COL5A1: variants seen among roughly 807,000 people sequenced by gnomAD.
COL5A1 encodes the protein collagen alpha-1(V) chain.
Under a neutral mutation model 263.7 loss-of-function variants are expected in COL5A1, and 16 were observed. The observed-to-expected ratio is 0.06, with a 90% confidence interval of 0.04 to 0.09. COL5A1 has a LOEUF of 0.09. Ranked by LOEUF, COL5A1 falls within the 10% of genes least tolerant of loss-of-function variation. The pLI is 1.00. For missense variants in COL5A1, 2,036 were observed against 2,540.5 expected, an observed-to-expected ratio of 0.80 and a Z score of 4.27; for synonymous variants, 1,012 against 1,004.5, an observed-to-expected ratio of 1.01 and a Z score of -0.14.
chr9:134,694,676 C>G (rs185046814), intron 2 of COL5A1, among the ~76,000 whole-genome samples: 1 of 152,174 alleles, frequency 6.6e-6, no homozygotes, highest in Non-Finnish European at 1.5e-5. Flanking sequence ...GGTTGCTGAC[C>G]GATCATGGGT....
At chr9:134,831,111 C>CT (rs1480296776) in intron 64 of COL5A1, among the ~76,000 whole-genome samples, 1 of 152,230 alleles carries the variant, frequency 6.6e-6, no homozygotes, top group African/African-American at 2.4e-5. Context: ...GGCTTGTAGC[C>CT]TGACCACTTG....
At position 134,806,198 on chromosome 9, in the gene COL5A1, G is replaced by T; in HGVS notation, c.3268G>T (p.Gly1090Trp). Reference sequence around the variant, plus strand: ...TCTTGCTCCACCTCAGGGATCTCCAGGGGAGAGAGGTCCAGCTGGAGCCGC... The same window carrying T: ...TCTTGCTCCACCTCAGGGATCTCCATGGGAGAGAGGTCCAGCTGGAGCCGC... ...PGPPGPAGSPGERGPAGAAGP... is the reference protein window; with the variant it reads ...PGPPGPAGSPWERGPAGAAGP... Residue 1090 changes from glycine to tryptophan, a missense_variant, in exon 42 of 66, where the codon GGG (glycine) becomes TGG (tryptophan). By Grantham distance (184) the Gly-to-Trp change is radical (BLOSUM62 -2). This residue lies in a region of COL5A1 where 1,078 missense variants were observed against 1,521.4 expected (regional missense o/e 0.71). Transcript: ENST00000371817. The T allele has an allele frequency of 6.4e-7, 1 of 1,550,636 alleles. No homozygotes were observed. Among genetic ancestry groups the T allele is most frequent in the Non-Finnish European group, 8.7e-7 (1 of 1,146,652 alleles).
chr9:134,821,997 G>T lies in COL5A1; in HGVS notation c.4555-100G>T. The stretch of plus-strand genomic sequence containing the variant: ...GGGCCAAAGGGCATACCGTGGGGAA[G>T]GGACAGGGGAGCCGAGGGGTGTGGC... On this transcript the variant is annotated intron_variant, in intron 58 of 65. Coordinates refer to ENST00000371817, the MANE Select transcript of COL5A1 (RefSeq NM_000093.5). The surrounding 1 kb of genome is among the most constrained non-coding windows in gnomAD (Gnocchi z 4.2). The T allele has an allele frequency of 9.8e-7, 1 of 1,024,976 alleles. No individual in the cohort carries two copies. The highest frequency in any genetic ancestry group is 1.5e-6 in the Non-Finnish European group (1 of 645,698). The allele number at this position is 1,024,976 out of a possible 1,614,324, so 63.5% of individuals were successfully genotyped here. A position where few individuals can be genotyped will look rare whatever the true frequency, so the allele number is the denominator to read the frequency against.
At chr9:134,802,822 G>A in intron 38 of COL5A1, 66 bp from the exon 39 acceptor site, 6 of 1,208,078 alleles carry the variant, frequency 5.0e-6, no homozygotes, top group Non-Finnish European at 7.3e-6. Context: ...TTAGATTTAG[G>A]AAGAGATTCT....
chr9:134,835,773 C>T (rs549952690), intron 65 of COL5A1, among the ~76,000 whole-genome samples: 11 of 152,302 alleles, frequency 7.2e-5, no homozygotes, highest in South Asian at 4.1e-4. Flanking sequence ...CTGGTATTGG[C>T]GCTCATACCC....
intron 30 of COL5A1, among the ~76,000 whole-genome samples, chr9:134,785,558 C>T (rs1837425443): frequency 6.6e-6 from 1 of 152,200 alleles, no homozygotes; most frequent in South Asian, 2.1e-4. Context: ...GGCTCCTGGG[C>T]CAGCCACACA....
chr9:134,728,723 C>T lies in COL5A1; in HGVS notation c.840C>T (p.Tyr280=), dbSNP rs765347784. 22 of 1,614,046 alleles carry T rather than the reference C, an allele frequency of 1.4e-5. No homozygotes were observed. Among genetic ancestry groups the T allele is most frequent in the Admixed American group, 6.7e-5 (4 of 60,012 alleles). The change falls in exon 6 of 66, where the codon TAC becomes TAT. Residue 280 remains tyrosine, a synonymous_variant. Transcript: ENST00000371817. ...CCTATTACTACGAATACCCCTACTA[C>T]GAAGACCCCGAAGACCTAGGGAAGG... The part of the protein sequence containing the change: ...GETYYYEYPY[Y]EDPEDLGKEP...
chr9:134,796,776 A>G, intron 35 of COL5A1, 72 bp from the exon 36 acceptor site: 1 of 1,398,752 alleles, frequency 7.1e-7, no homozygotes, highest in Non-Finnish European at 1.0e-6. Context: ...AGCCACCGGC[A>G]CAGGCAGGTC....
Position 134,835,019 on chromosome 9 carries a change from A to G in COL5A1, c.5185A>G (p.Thr1729Ala). Reference sequence around the variant, plus strand: ...CAACCCTGTGGGTGTGGTACAGATGACCTTCCTGCGGCTGCTGAGCGCCTC... The same window carrying G: ...CAACCCTGTGGGTGTGGTACAGATGGCCTTCCTGCGGCTGCTGAGCGCCTC... ...EGNPVGVVQM[T>A]FLRLLSASAH... The change falls in exon 65 of 66, where the codon ACC (threonine) becomes GCC (alanine). Residue 1729 changes from threonine to alanine, a missense_variant. Physicochemically the swap from Thr to Ala is moderately conservative, Grantham distance 58. Transcript: ENST00000371817. The G allele has an allele frequency of 6.2e-7, 1 of 1,613,632 alleles. No homozygotes were observed. The highest frequency in any genetic ancestry group is 8.5e-7 in the Non-Finnish European group (1 of 1,180,010).
In COL5A1 at chr9:134,750,845, A is replaced by G; in HGVS notation, c.1625A>G (p.Gln542Arg). 6.2e-7 allele frequency: 1 copy of G among 1,613,084 alleles called. No individual in the cohort carries two copies. Among genetic ancestry groups the G allele is most frequent in the Non-Finnish European group, 8.5e-7 (1 of 1,179,978 alleles). ...AGSKGPMVSAQESQAQAILQQ... is the reference protein window; with the variant it reads ...AGSKGPMVSARESQAQAILQQ... ...TCCAAAGGCCCCATGGTCTCAGCCC[A>G]GGAGTCCCAGGCGCAAGCCATTCTC... The change falls in exon 13 of 66, where the codon CAG becomes CGG. Residue 542 changes from glutamine to arginine, a missense_variant. Gln to Arg is a conservative substitution (Grantham distance 43). Coordinates refer to ENST00000371817, the MANE Select transcript of COL5A1 (RefSeq NM_000093.5).
chr9:134,811,662 G>T (rs1588577806), intron 46 of COL5A1, 63 bp downstream of exon 46: 2 of 1,320,062 alleles, frequency 1.5e-6, no homozygotes, highest in East Asian at 5.0e-5. Context: ...TGTCTTCATT[G>T]TGCTCTCTCC....
chr9:134,802,813 T>C (rs113731159), intron 38 of COL5A1, 75 bp from the exon 39 acceptor site: 1 of 1,128,396 alleles, frequency 8.9e-7, no homozygotes, highest in Non-Finnish European at 1.3e-6. Context: ...GGGCTGTCCT[T>C]AGATTTAGGA....
At position 134,796,437 on chromosome 9, in the gene COL5A1, C is replaced by CGGAA. The variant is rs1317250470; in HGVS notation, c.2844+21_2844+22insAAGG. 1 of 1,613,536 alleles carries CGGAA rather than the reference C, an allele frequency of 6.2e-7. No homozygotes were observed. Among genetic ancestry groups the CGGAA allele is most frequent in the Middle Eastern group, 1.6e-4 (1 of 6,084 alleles). On this transcript the variant is annotated intron_variant, in intron 35 of 65. Transcript: ENST00000371817. ...TGAACGGGTAAGCAGCTGGAGCCTT[C>CGGAA]GGGGGTGTCTCCAAGGGCAGAGCCT...
chr9:134,659,539 C>T (rs932092955), intron 1 of COL5A1, among the ~76,000 whole-genome samples: 6 of 152,154 alleles, frequency 3.9e-5, no homozygotes, highest in African/African-American at 7.2e-5. Flanking sequence ...ATCTGAAGGA[C>T]GGTTGCACTT....
At chr9:134,740,094 C>T (rs552133226) in intron 11 of COL5A1, among the ~76,000 whole-genome samples, 9 of 152,216 alleles carry the variant, frequency 5.9e-5, no homozygotes, top group South Asian at 2.1e-4. Flanking sequence ...AGGGCCGTGG[C>T]GGGAAACAGA....
intron 24 of COL5A1, 61 bp from the exon 25 acceptor site, chr9:134,768,349 A>G: frequency 6.9e-6 from 10 of 1,447,716 alleles, no homozygotes; most frequent in Non-Finnish European, 9.7e-6. Flanking sequence ...TTGGTGGCCG[A>G]CGGAGAGGTC....
rs115089113 is a variant in COL5A1 at position 134,707,429 on chromosome 9, C to T, written c.654+6096C>T. 9.4e-3 allele frequency among the ~76,000 whole-genome samples: 1,433 copies of T among 152,258 alleles called. 15 individuals are homozygous for T. Among genetic ancestry groups the T allele is most frequent in the Middle Eastern group, 0.02 (6 of 294 alleles). ...ATCCCTGATTCCCTTTTTCCAGGGG[C>T]CTGGCTTTTCCACTGACATGTTCTT... On this transcript the variant is annotated intron_variant, in intron 4 of 65. Coordinates refer to ENST00000371817, the MANE Select transcript of COL5A1 (RefSeq NM_000093.5).
chr9:134,694,240 G>A lies in COL5A1; in HGVS notation c.277+3161G>A, dbSNP rs117396428. The stretch of plus-strand genomic sequence containing the variant: ...CAAGTGGCCCTGGATCACGGGGGTG[G>A]GGGTTTGGAGACTGAGCTGAGCAGG... On this transcript the variant is annotated intron_variant, in intron 2 of 65. Coordinates refer to ENST00000371817, the MANE Select transcript of COL5A1 (RefSeq NM_000093.5). 7.2e-4 allele frequency among the ~76,000 whole-genome samples: 110 copies of A among 152,380 alleles called. 1 individual carries two copies. In the East Asian group the frequency reaches 0.018, roughly 25 times the overall value.
intron 59 of COL5A1, among the ~76,000 whole-genome samples, chr9:134,822,483 G>T (rs954059964): frequency 6.6e-6 from 1 of 152,154 alleles, no homozygotes; most frequent in Non-Finnish European, 1.5e-5. Flanking sequence ...CCAGGAGCCC[G>T]GCCAGCCTGG....
Sources: allele counts gnomAD v4.1 joint callset (sites outside exome capture counted in the v4.1 genomes callset), GRCh38; gene constraint gnomAD v4.1.1; regional missense constraint gnomAD v4.1.1; non-coding constraint Gnocchi (gnomAD v3.1); transcripts MANE v1.5; gene names NCBI Gene and HGNC (gene_info 2026-07-23, HGNC 2026-07-21).